Variants in CACNB2 observed in about 807,000 individuals in gnomAD.
CACNB2 encodes voltage-dependent L-type calcium channel subunit beta-2.
In CACNB2, 42 loss-of-function variants were observed where a neutral mutation model predicts 73.3. The observed-to-expected ratio is 0.57, with a 90% CI of 0.45 to 0.74. The LOEUF is 0.74. Ranked by LOEUF, CACNB2 falls within the 30% of genes least tolerant of loss-of-function variation. The probability of loss-of-function intolerance (pLI) is 0.00; values close to 1 mark genes in which losing one functional copy is unlikely to be tolerated. For missense variants in CACNB2, 940 were observed against 853.0 expected, an observed-to-expected ratio of 1.10 and a Z score of -1.27; for synonymous variants, 348 against 310.3, an observed-to-expected ratio of 1.12 and a Z score of -1.28.
chr10:18,522,058 G>A (rs143167119), intron 9 of CACNB2, among the ~76,000 whole-genome samples: 5 of 152,124 alleles, frequency 3.3e-5, no homozygotes, highest in Non-Finnish European at 5.9e-5. Flanking sequence ...GATCAGCAGC[G>A]GCATTAGATT....
intron 2 of CACNB2, among the ~76,000 whole-genome samples, chr10:18,179,206 G>A (rs1014024049): frequency 6.6e-6 from 1 of 152,120 alleles, no homozygotes. Context: ...TTTAGCAGAA[G>A]ACTAGTAAAC....
intron 2 of CACNB2, among the ~76,000 whole-genome samples, chr10:18,286,362 C>T (rs2038792351): frequency 6.6e-6 from 1 of 151,546 alleles, no homozygotes; most frequent in Non-Finnish European, 1.5e-5. Flanking sequence ...TAAAAAAATA[C>T]AAAAAATTAG....
At chr10:18,529,787 T>A (rs2052815718) in intron 10 of CACNB2, among the ~76,000 whole-genome samples, 2 of 152,228 alleles carry the variant, frequency 1.3e-5, no homozygotes, top group South Asian at 2.1e-4. Flanking sequence ...GTGTTTCGCT[T>A]ATAGCAATTT....
At chr10:18,438,202 T>TG (rs10690653) in intron 3 of CACNB2, among the ~76,000 whole-genome samples, 4 of 145,600 alleles carry the variant, frequency 2.7e-5, no homozygotes, top group Non-Finnish European at 6.0e-5. Flanking sequence ...TTTTTTTTTT[T>TG]GTATTTTTAG....
chr10:18,260,037 A>G (rs2037467165), intron 2 of CACNB2, among the ~76,000 whole-genome samples: 4 of 152,210 alleles, frequency 2.6e-5, no homozygotes. Flanking sequence ...CTTAGGTCTC[A>G]ACAGAATATG....
chr10:18,296,184 T>G (rs1468588224), intron 2 of CACNB2, among the ~76,000 whole-genome samples: 1 of 152,054 alleles, frequency 6.6e-6, no homozygotes, highest in Non-Finnish European at 1.5e-5. Context: ...ACAATAACAG[T>G]TTCTAAAAAT....
intron 2 of CACNB2, among the ~76,000 whole-genome samples, chr10:18,373,500 A>T (rs2042671812): frequency 1.3e-5 from 2 of 152,210 alleles, no homozygotes; most frequent in African/African-American, 2.4e-5. Flanking sequence ...AAATTTACAG[A>T]TGAGGAATTC....
At chr10:18,358,333 C>T (rs2042003554) in intron 2 of CACNB2, among the ~76,000 whole-genome samples, 1 of 152,178 alleles carries the variant, frequency 6.6e-6, no homozygotes, top group South Asian at 2.1e-4. Flanking sequence ...AGTGATCCAC[C>T]CACCTCAGAC....
chr10:18,229,982 C>T (rs1162954958), intron 2 of CACNB2, among the ~76,000 whole-genome samples: 1 of 152,160 alleles, frequency 6.6e-6, no homozygotes, highest in Non-Finnish European at 1.5e-5. Flanking sequence ...TGATTTATTC[C>T]TCCATAAGTC....
intron 2 of CACNB2, among the ~76,000 whole-genome samples, chr10:18,363,463 T>G (rs539506078): frequency 6.6e-5 from 10 of 152,322 alleles, no homozygotes; most frequent in Non-Finnish European, 1.5e-4. Context: ...TGATCCTCAG[T>G]GCCATATGGT....
intron 5 of CACNB2, among the ~76,000 whole-genome samples, chr10:18,503,127 A>C (rs903000417): frequency 1.3e-5 from 2 of 152,112 alleles, no homozygotes; most frequent in Non-Finnish European, 2.9e-5. Context: ...CTTTTGTTGA[A>C]AATGCATTTC....
At chr10:18,225,577 G>A (rs535484135) in intron 2 of CACNB2, among the ~76,000 whole-genome samples, 8 of 39,754 alleles carry the variant, frequency 2.0e-4, no homozygotes, top group Non-Finnish European at 3.1e-4. Context: ...TCCCTCCCTC[G>A]CTCCTTCCTT....
chr10:18,144,074 T>A (rs187509303), intron 1 of CACNB2, among the ~76,000 whole-genome samples: 152 of 152,232 alleles, frequency 1.0e-3, no homozygotes, highest in African/African-American at 3.6e-3. Context: ...TTTGTTTTTG[T>A]TTTTGTTCTG....
intron 2 of CACNB2, among the ~76,000 whole-genome samples, chr10:18,161,387 G>A (rs940430366): frequency 1.3e-5 from 2 of 152,164 alleles, no homozygotes; most frequent in African/African-American, 4.8e-5. Flanking sequence ...TTAGACTTCT[G>A]TCAAGGTTAC....
chr10:18,320,145 A>C (rs1415382983), intron 2 of CACNB2, among the ~76,000 whole-genome samples: 1 of 151,864 alleles, frequency 6.6e-6, no homozygotes, highest in Non-Finnish European at 1.5e-5. Context: ...CTGATATCTC[A>C]CCAGTTCGAA....
intron 2 of CACNB2, among the ~76,000 whole-genome samples, chr10:18,202,991 C>T (rs1048260948): frequency 6.6e-6 from 1 of 152,182 alleles, no homozygotes; most frequent in Non-Finnish European, 1.5e-5. Context: ...ATTAAGCGAG[C>T]CATCACTGAA....
At chr10:18,423,109 G>A (rs1004314338) in intron 3 of CACNB2, among the ~76,000 whole-genome samples, 1 of 150,642 alleles carries the variant, frequency 6.6e-6, no homozygotes, top group Non-Finnish European at 1.5e-5. Flanking sequence ...ACGTTTGGAG[G>A]TCATCATATT....
At chr10:18,286,048 T>A (rs1187883061) in intron 2 of CACNB2, among the ~76,000 whole-genome samples, 1 of 152,198 alleles carries the variant, frequency 6.6e-6, no homozygotes, top group East Asian at 1.9e-4. Flanking sequence ...TATATGTACA[T>A]CTGTGAACAC....
intron 2 of CACNB2, among the ~76,000 whole-genome samples, chr10:18,202,040 C>T (rs112190524): frequency 3.3e-5 from 5 of 152,238 alleles, no homozygotes; most frequent in African/African-American, 1.2e-4. Flanking sequence ...ATGAAAGTGC[C>T]CTTTCACCAA....
Sources: allele counts gnomAD v4.1 joint callset (sites outside exome capture counted in the v4.1 genomes callset), GRCh38; gene constraint gnomAD v4.1.1; transcripts MANE v1.5; gene names NCBI Gene and HGNC (gene_info 2026-07-23, HGNC 2026-07-21).